Variants in CCDC150 observed in about 807,000 individuals in gnomAD.
The protein encoded by CCDC150 is coiled-coil domain-containing protein 150.
Under a neutral mutation model 156.5 loss-of-function variants are expected in CCDC150, and 151 were observed. The ratio of observed to expected loss-of-function variants is 0.97; its 90% confidence interval spans 0.85 to 1.10. CCDC150 has a LOEUF of 1.10. Ranked by LOEUF, CCDC150 falls within the 50% of genes least tolerant of loss-of-function variation. The pLI, the probability that CCDC150 is intolerant of heterozygous loss-of-function variation, is 0.00. For synonymous variants in CCDC150, 452 were observed against 429.4 expected, an observed-to-expected ratio of 1.05 and a Z score of -0.65; for missense variants, 1,312 against 1,268.1, an observed-to-expected ratio of 1.03 and a Z score of -0.53.
chr2:196,654,462 A>G (rs1223508712), intron 2 of CCDC150, among the ~76,000 whole-genome samples: 1 of 151,088 alleles, frequency 6.6e-6, no homozygotes, highest in African/African-American at 2.4e-5. Context: ...TGCTCCTCAC[A>G]TTGGATGATT....
rs772427286 is a variant in CCDC150, at chr2:196,712,224, A to C, written c.1775A>C (p.Asn592Thr). Residue 592 changes from asparagine to threonine, a missense_variant, in exon 16 of 28, where the codon AAT becomes ACT. By Grantham distance (65) the Asn-to-Thr change is moderately conservative. Transcript: ENST00000389175. ...CAGAATGATCATCTACGCAAGATGA[A>C]TAAGTATTTACAGACTAAATATGCT... is the stretch of plus-strand genomic sequence containing the variant. ...SLQNDHLRKM[N>T]KYLQTKYAQA... The C allele has an allele frequency of 6.4e-7, 1 of 1,561,938 alleles. No individual in the cohort carries two copies. Among genetic ancestry groups the C allele is most frequent in the Non-Finnish European group, 8.7e-7 (1 of 1,146,110 alleles).
At chr2:196,713,445 A>T in intron 17 of CCDC150, 1 of 1,550,876 alleles carries the variant, frequency 6.4e-7, no homozygotes, top group Non-Finnish European at 8.7e-7. Flanking sequence ...AGTATAAAGG[A>T]AAGAACGTCA....
intron 5 of CCDC150, among the ~76,000 whole-genome samples, chr2:196,660,901 A>G (rs1693520962): frequency 6.6e-6 from 1 of 152,136 alleles, no homozygotes; most frequent in African/African-American, 2.4e-5. Context: ...CTCTTGTATC[A>G]TCTTCTAAGA....
chr2:196,732,553 G>C lies in CCDC150; in HGVS notation c.3297G>C (p.Gln1099His), dbSNP rs1195131456. 6.2e-7 allele frequency: 1 copy of C among 1,606,276 alleles called. No homozygotes were observed. Among genetic ancestry groups the C allele is most frequent in the African/African-American group, 1.3e-5 (1 of 74,756 alleles). Residue 1099 changes from glutamine to histidine, a missense_variant, in exon 28 of 28, where the codon CAG becomes CAC. Physicochemically the swap from Gln to His is conservative, Grantham distance 24 (BLOSUM62 0). Transcript: ENST00000389175. ...CCAAGAAGTATCATTCTGAGGTACA[G>C]AGGAAGTGATGTCCTTGACAAGGGA... The part of the protein sequence containing the change: ...PMPKKYHSEV[Q>H]RK
chr2:196,672,292 G>A, intron 8 of CCDC150, 53 bp from the exon 9 acceptor site: 1 of 842,424 alleles, frequency 1.2e-6, no homozygotes, highest in Non-Finnish European at 1.8e-6. Context: ...TTTTATAGGG[G>A]TGCACATAGT....
Position 196,731,914 on chromosome 2 carries a change from G to A in CCDC150, c.3070-119G>A, listed in dbSNP as rs1244756535. On this transcript the variant is annotated intron_variant, in intron 26 of 27. Transcript: ENST00000389175. ...GTATATTATGCAAATAGGTTGTGAA[G>A]AACAAGCAGTCAGAATTTGGGTCTT... 4 of 859,834 alleles carry A rather than the reference G, an allele frequency of 4.7e-6. No individual in the cohort carries two copies. The Admixed American group carries it at 1.0e-4, about 22-fold the overall frequency. The allele number at this position is 859,834 out of a possible 1,614,324, so 53.3% of individuals were successfully genotyped here. A position where few individuals can be genotyped will look rare whatever the true frequency, so the allele number is the denominator to read the frequency against.
At chr2:196,649,852 C>A (rs1289960616) in intron 2 of CCDC150, among the ~76,000 whole-genome samples, 2 of 152,048 alleles carry the variant, frequency 1.3e-5, no homozygotes, top group Non-Finnish European at 2.9e-5. Flanking sequence ...GATTTTGTAT[C>A]CTGCAACTTT....
At chr2:196,680,390 C>G (rs963759060) in intron 13 of CCDC150, among the ~76,000 whole-genome samples, 1 of 152,130 alleles carries the variant, frequency 6.6e-6, no homozygotes, top group African/African-American at 2.4e-5. Context: ...TCCACCCCCC[C>G]AGGCTCAGGT....
chr2:196,707,064 T>A (rs1197912546), intron 15 of CCDC150, among the ~76,000 whole-genome samples: 1 of 152,216 alleles, frequency 6.6e-6, no homozygotes, highest in Non-Finnish European at 1.5e-5. Context: ...TTCTATTGAT[T>A]GGGATAGTTT....
intron 10 of CCDC150, among the ~76,000 whole-genome samples, chr2:196,674,586 C>T (rs1694386498): frequency 6.6e-6 from 1 of 151,930 alleles, no homozygotes; most frequent in Non-Finnish European, 1.5e-5. Context: ...ATTATTTGTC[C>T]CATTGTTTAT....
intron 14 of CCDC150, 132 bp from the exon 15 acceptor site, chr2:196,700,977 G>T: frequency 1.6e-6 from 1 of 624,730 alleles, no homozygotes; most frequent in South Asian, 2.2e-5. Context: ...ACTAAAAGCA[G>T]CAGTAGCAAA....
intron 15 of CCDC150, among the ~76,000 whole-genome samples, chr2:196,707,546 T>G (rs780378423): frequency 1.4e-4 from 21 of 152,242 alleles, no homozygotes; most frequent in Non-Finnish European, 2.9e-4. Context: ...TCTTGCCTGC[T>G]GCTAGCTTTT....
intron 1 of CCDC150, among the ~76,000 whole-genome samples, chr2:196,642,543 C>T (rs552684753): frequency 6.6e-6 from 1 of 152,324 alleles, no homozygotes; most frequent in Non-Finnish European, 1.5e-5. Context: ...CTTTAACAGC[C>T]TCCCAGATAC....
At chr2:196,718,142 T>G (rs1697651744) in intron 17 of CCDC150, among the ~76,000 whole-genome samples, 1 of 152,226 alleles carries the variant, frequency 6.6e-6, no homozygotes, top group Non-Finnish European at 1.5e-5. Flanking sequence ...CTAAATACAC[T>G]ATTTAGTATT....
rs145712091 is a variant in CCDC150 at position 196,645,452 on chromosome 2, C to T, written c.13-889C>T. Among the ~76,000 whole-genome samples, 258 of 152,286 alleles carry T rather than the reference C, an allele frequency of 1.7e-3. 1 individual carries two copies. Among genetic ancestry groups the T allele is most frequent in the Non-Finnish European group, 2.9e-3 (200 of 68,032 alleles). ...CAAGTTGGACCCTTGTGAACACATT[C>T]CCATACGAACACTATCGCTAGAAAT... On this transcript the variant is annotated intron_variant, in intron 1 of 27. Transcript: ENST00000389175.
At chr2:196,662,767 A>C (rs1029076857) in intron 5 of CCDC150, among the ~76,000 whole-genome samples, 3 of 152,034 alleles carry the variant, frequency 2.0e-5, no homozygotes, top group Non-Finnish European at 2.9e-5. Context: ...CATTTCTGGA[A>C]AAAAAAAGAA....
At chr2:196,649,484 A>G (rs1692746311) in intron 2 of CCDC150, among the ~76,000 whole-genome samples, 1 of 152,218 alleles carries the variant, frequency 6.6e-6, no homozygotes, top group South Asian at 2.1e-4. Context: ...GCAGTATGCA[A>G]TATGGTAACA....
rs1446256343 is a variant in CCDC150 at position 196,714,827 on chromosome 2, TA to T, written c.1866+2094del. Reference sequence around the variant, plus strand: ...ATACATACTGATATATACATACACTTAAAAAACTGGTAGAATTTTTAAAATG... The same window carrying T: ...ATACATACTGATATATACATACACTTAAAAACTGGTAGAATTTTTAAAATG... On this transcript the variant is annotated intron_variant, in intron 17 of 27. Coordinates refer to ENST00000389175, the MANE Select transcript of CCDC150 (RefSeq NM_001080539.2). Among the ~76,000 whole-genome samples, 20 of 152,324 alleles carry T rather than the reference TA, an allele frequency of 1.3e-4. No homozygotes were observed. In the South Asian group the frequency reaches 3.9e-3, roughly 30 times the overall value.
At chr2:196,697,139 C>G (rs1018971755) in intron 14 of CCDC150, among the ~76,000 whole-genome samples, 2 of 152,170 alleles carry the variant, frequency 1.3e-5, no homozygotes, top group African/African-American at 4.8e-5. Flanking sequence ...TATTCCCTTG[C>G]CTAGCATAAT....
Sources: gnomAD v4.1 joint callset for allele counts (sites outside exome capture counted in the v4.1 genomes callset) on GRCh38, gnomAD v4.1.1 for gene constraint, MANE v1.5 for transcripts, NCBI Gene and HGNC (gene_info 2026-07-23, HGNC 2026-07-21) for gene names.